The following EPM2A variants were observed in gnomAD, a reference collection of about 807,000 sequenced individuals.
EPM2A encodes the protein EPM2A glucan phosphatase, laforin, also known as laforin.
EPM2A carries 21 observed loss-of-function variants against 26.5 expected under a neutral mutation model. The observed-to-expected ratio is 0.79, with a 90% confidence interval of 0.56 to 1.14. EPM2A has a LOEUF of 1.14. Ranked by LOEUF, EPM2A falls within the 50% of genes most tolerant of loss-of-function variation. The pLI is 0.00. For synonymous variants in EPM2A, 217 were observed against 177.6 expected, an observed-to-expected ratio of 1.22 and a Z score of -1.76; for missense variants, 458 against 440.8, an observed-to-expected ratio of 1.04 and a Z score of -0.35.
chr6:145,705,407 GCTGGGCATGGTGGCGC>G, intron 1 of EPM2A: 1 of 356,802 alleles, frequency 2.8e-6, no homozygotes, highest in African/African-American at 2.1e-5. Context: ...ACACAAGTTA[GCTGGGCATGGTGGCGC>G]ACACACCTGT....
chr6:145,601,090 T>C (rs187058986), intron 2 of EPM2A, among the ~76,000 whole-genome samples: 253 of 152,364 alleles, frequency 1.7e-3, no homozygotes, highest in South Asian at 4.3e-3. Context: ...CCTTTATTTA[T>C]TAGAGTTTTG....
intron 4 of EPM2A, among the ~76,000 whole-genome samples, chr6:145,472,929 C>G (rs552482036): frequency 6.6e-6 from 1 of 152,014 alleles, no homozygotes; most frequent in Non-Finnish European, 1.5e-5. Context: ...AAAAGGACAG[C>G]TACAAATAAG....
chr6:145,683,480 T>A (rs908829441), intron 2 of EPM2A, among the ~76,000 whole-genome samples: 1 of 151,856 alleles, frequency 6.6e-6, no homozygotes, highest in East Asian at 1.9e-4. Flanking sequence ...TACCTGAGAA[T>A]TCAGTAGGAT....
At chr6:145,629,667 G>A (rs1776096805) in intron 3 of EPM2A, 2 of 152,360 alleles carry the variant, frequency 1.3e-5, no homozygotes, top group Non-Finnish European at 2.9e-5. Context: ...TGGGTGGGAG[G>A]AGAACTCTGC....
At chr6:145,592,564 TACAA>T (rs1342145610) in intron 2 of EPM2A, among the ~76,000 whole-genome samples, 2 of 152,094 alleles carry the variant, frequency 1.3e-5, no homozygotes, top group African/African-American at 2.4e-5. Flanking sequence ...TTTCTAGTTC[TACAA>T]TGGTTGAACT....
chr6:145,674,182 C>T (rs1159276492), intron 2 of EPM2A, among the ~76,000 whole-genome samples: 1 of 152,142 alleles, frequency 6.6e-6, no homozygotes, highest in African/African-American at 2.4e-5. Flanking sequence ...AAGCAAACTC[C>T]AACAGACCTG....
intron 4 of EPM2A, among the ~76,000 whole-genome samples, chr6:145,397,385 G>A (rs1298291573): frequency 1.3e-5 from 2 of 152,152 alleles, no homozygotes; most frequent in African/African-American, 2.4e-5. Flanking sequence ...AGGCTGCAGT[G>A]AGGTATGATG....
At chr6:145,664,531 C>T (rs1319573693) in intron 2 of EPM2A, among the ~76,000 whole-genome samples, 2 of 145,088 alleles carry the variant, frequency 1.4e-5, no homozygotes, top group African/African-American at 5.1e-5. Context: ...GAGTGACCTA[C>T]AAAGAGACTT....
intron 1 of EPM2A, among the ~76,000 whole-genome samples, chr6:145,714,043 C>T (rs1348295723): frequency 6.6e-6 from 1 of 152,180 alleles, no homozygotes; most frequent in Non-Finnish European, 1.5e-5. Context: ...GCCCTAGAGA[C>T]AGAAAGTGCA....
chr6:145,723,268 G>C (rs557418390), intron 1 of EPM2A, among the ~76,000 whole-genome samples: 3 of 152,176 alleles, frequency 2.0e-5, no homozygotes, highest in African/African-American at 7.2e-5. Flanking sequence ...TAAAATCTAA[G>C]AATATAAAAC....
intron 4 of EPM2A, among the ~76,000 whole-genome samples, chr6:145,488,261 G>C (rs1300912359): frequency 3.3e-5 from 5 of 152,104 alleles, no homozygotes; most frequent in African/African-American, 1.2e-4. Flanking sequence ...GATGCCTCCA[G>C]CTTTGTTCTT....
At chr6:145,600,422 C>T (rs1284137459) in intron 2 of EPM2A, among the ~76,000 whole-genome samples, 1 of 152,200 alleles carries the variant, frequency 6.6e-6, no homozygotes, top group African/African-American at 2.4e-5. Flanking sequence ...CCCCCTCACA[C>T]CACTGTTAAT....
At chr6:145,603,392 T>G (rs1279924959) in intron 2 of EPM2A, among the ~76,000 whole-genome samples, 2 of 152,186 alleles carry the variant, frequency 1.3e-5, no homozygotes, top group Admixed American at 1.3e-4. Flanking sequence ...ATCAGGTTCT[T>G]TTGTATGTGC....
chr6:145,490,606 C>A, intron 4 of EPM2A: 2 of 672,088 alleles, frequency 3.0e-6, no homozygotes, highest in East Asian at 3.4e-5. Flanking sequence ...GTGCTGTTTC[C>A]ATGTGCTCTC....
intron 2 of EPM2A, among the ~76,000 whole-genome samples, chr6:145,507,714 G>A (rs1219065541): frequency 6.6e-6 from 1 of 152,174 alleles, no homozygotes; most frequent in African/African-American, 2.4e-5. Flanking sequence ...TAGGAGAAGG[G>A]TTCCCACTGC....
At chr6:145,549,030 G>C (rs1419014565) in intron 2 of EPM2A, among the ~76,000 whole-genome samples, 2 of 152,098 alleles carry the variant, frequency 1.3e-5, no homozygotes, top group Non-Finnish European at 1.5e-5. Flanking sequence ...ACAAGGAATA[G>C]AGATACCTTT....
rs117155593 is a variant in EPM2A, at chr6:145,521,683, C to G, written c.341-19108G>C. On this transcript the variant is annotated intron_variant, in intron 2 of 3. Transcript: ENST00000450221. ...AGACAGTAGATGAAAAAGGTAAAAA[C>G]TCTAGATTGTTGGTCCCAGTAGGGG... 8.5e-5 allele frequency among the ~76,000 whole-genome samples: 13 copies of G among 152,252 alleles called. No homozygotes were observed. In the East Asian group the frequency reaches 2.3e-3, roughly 27 times the overall value.
intron 4 of EPM2A, among the ~76,000 whole-genome samples, chr6:145,391,730 C>G (rs964784874): frequency 1.3e-5 from 2 of 152,112 alleles, no homozygotes; most frequent in African/African-American, 4.8e-5. Flanking sequence ...CTAGATTCCC[C>G]GTGATTGAAG....
intron 4 of EPM2A, among the ~76,000 whole-genome samples, chr6:145,495,788 G>C (rs1582798990): frequency 1.3e-5 from 2 of 152,132 alleles, no homozygotes; most frequent in East Asian, 3.9e-4. Flanking sequence ...TATTGGCCGG[G>C]TTGGACAGGA....
Sources: gnomAD v4.1 joint callset for allele counts (sites outside exome capture counted in the v4.1 genomes callset) on GRCh38, gnomAD v4.1.1 for gene constraint, MANE v1.5 for transcripts, NCBI Gene and HGNC (gene_info 2026-07-23, HGNC 2026-07-21) for gene names.